Variants in CDH18 observed in about 807,000 individuals in gnomAD.
The protein encoded by CDH18 is cadherin-18.
Under a neutral mutation model 67.9 loss-of-function variants are expected in CDH18, and 31 were observed. The ratio of observed to expected loss-of-function variants is 0.46; its 90% CI spans 0.34 to 0.62. The LOEUF (loss-of-function observed/expected upper bound fraction) is 0.62, where lower values mean the gene tolerates loss of function less well. Among genes scored for constraint, CDH18 ranks in the 20% least tolerant of loss-of-function variants. The pLI is 0.01. For missense variants in CDH18, 890 were observed against 975.5 expected (o/e 0.91, Z 1.17); for synonymous variants, 362 against 347.2 (o/e 1.04, Z -0.48).
intron 1 of CDH18, among the ~76,000 whole-genome samples, chr5:20,537,097 T>A (rs1304322772): frequency 6.6e-6 from 1 of 152,146 alleles, no homozygotes; most frequent in Non-Finnish European, 1.5e-5. Context: ...TGCAGGGACT[T>A]CTCTTTTTCT....
At position 20,288,692 on chromosome 5, in the gene CDH18, T is replaced by C. The variant is rs1042097475; in HGVS notation, c.-579-33187A>G. Among the ~76,000 whole-genome samples, 7 of 151,934 alleles carry C rather than the reference T, an allele frequency of 4.6e-5. No individual in the cohort carries two copies. The East Asian group carries it at 1.4e-3, about 29-fold the overall frequency. On this transcript the variant is annotated intron_variant, in intron 1 of 14. Coordinates refer to the CDH18 transcript ENST00000507958. Reference sequence around the variant, plus strand: ...AATTTGATCATAATAGATCCTTTCTTGTGATAGTCAATTCGCTTTATTCAG... The same window carrying C: ...AATTTGATCATAATAGATCCTTTCTCGTGATAGTCAATTCGCTTTATTCAG...
chr5:20,531,228 G>A (rs1006417944), intron 1 of CDH18, among the ~76,000 whole-genome samples: 1 of 152,042 alleles, frequency 6.6e-6, no homozygotes, highest in African/African-American at 2.4e-5. Context: ...TAATTAAAAA[G>A]TCAAGAATCA....
intron 1 of CDH18, among the ~76,000 whole-genome samples, chr5:20,460,738 A>G (rs1751207580): frequency 6.6e-6 from 1 of 152,210 alleles, no homozygotes; most frequent in African/African-American, 2.4e-5. Context: ...CTTGTATCAA[A>G]TAATCTGCTG....
At chr5:20,421,091 C>T (rs1278080898) in intron 1 of CDH18, among the ~76,000 whole-genome samples, 1 of 150,848 alleles carries the variant, frequency 6.6e-6, no homozygotes, top group Non-Finnish European at 1.5e-5. Context: ...TATCACAAAA[C>T]CTGAAGTTTG....
At chr5:19,837,311 G>A (rs192476566) in intron 3 of CDH18, among the ~76,000 whole-genome samples, 4 of 152,120 alleles carry the variant, frequency 2.6e-5, no homozygotes, top group African/African-American at 9.6e-5. Flanking sequence ...TAATGTAGAT[G>A]ACGGGTTGAT....
intron 2 of CDH18, among the ~76,000 whole-genome samples, chr5:20,168,166 A>T (rs1483780282): frequency 6.6e-6 from 1 of 152,168 alleles, no homozygotes; most frequent in African/African-American, 2.4e-5. Context: ...CAAGTTTATC[A>T]CAGCATTGCT....
intron 2 of CDH18, among the ~76,000 whole-genome samples, chr5:20,238,860 T>TAA: frequency 6.6e-6 from 1 of 152,118 alleles, no homozygotes; most frequent in Non-Finnish European, 1.5e-5. Context: ...TATGAATATT[T>TAA]CCATATAAAG....
intron 2 of CDH18, among the ~76,000 whole-genome samples, chr5:20,058,916 G>A (rs113619072): frequency 1.6e-3 from 246 of 152,226 alleles, no homozygotes; most frequent in East Asian, 5.0e-3. Context: ...GGTAGAATTC[G>A]GCTGTGAATC....
At chr5:19,850,754 G>A (rs1349485187) in intron 2 of CDH18, among the ~76,000 whole-genome samples, 1 of 151,846 alleles carries the variant, frequency 6.6e-6, no homozygotes, top group African/African-American at 2.4e-5. Context: ...ACTAAATTTT[G>A]AGATATTAAT....
intron 2 of CDH18, among the ~76,000 whole-genome samples, chr5:20,253,774 T>C (rs375115182): frequency 2.0e-5 from 3 of 152,176 alleles, no homozygotes; most frequent in South Asian, 2.1e-4. Context: ...CTATGACCCA[T>C]TGGCATTCCT....
At chr5:20,126,127 T>C (rs1174767791) in intron 2 of CDH18, among the ~76,000 whole-genome samples, 1 of 152,108 alleles carries the variant, frequency 6.6e-6, no homozygotes, top group Non-Finnish European at 1.5e-5. Flanking sequence ...TACAGATTGA[T>C]GGAACAGAAT....
chr5:20,498,529 TGA>T (rs774466597), intron 1 of CDH18, among the ~76,000 whole-genome samples: 15 of 152,114 alleles, frequency 9.9e-5, no homozygotes, highest in Admixed American at 3.9e-4. Flanking sequence ...CTTAAAAAAG[TGA>T]GAGTTATATT....
At chr5:20,328,302 C>A (rs1027848813) in intron 1 of CDH18, among the ~76,000 whole-genome samples, 2 of 152,144 alleles carry the variant, frequency 1.3e-5, no homozygotes, top group African/African-American at 4.8e-5. Flanking sequence ...AAGGCATTGA[C>A]CAAAGTAGCT....
chr5:20,097,573 GC>G (rs1350625772), intron 2 of CDH18, among the ~76,000 whole-genome samples: 1 of 152,048 alleles, frequency 6.6e-6, no homozygotes, highest in Non-Finnish European at 1.5e-5. Flanking sequence ...TGGAGATATA[GC>G]CAAACCATGT....
intron 1 of CDH18, among the ~76,000 whole-genome samples, chr5:20,540,271 A>C (rs1164120981): frequency 6.6e-6 from 1 of 152,198 alleles, no homozygotes; most frequent in Non-Finnish European, 1.5e-5. Flanking sequence ...GAACAGACTT[A>C]TTAAATTCCA....
chr5:20,018,349 T>A (rs1368234225), intron 2 of CDH18, among the ~76,000 whole-genome samples: 9 of 152,150 alleles, frequency 5.9e-5, no homozygotes, highest in Admixed American at 2.0e-4. Flanking sequence ...TAGGCCCAAT[T>A]ACAACATAGA....
intron 2 of CDH18, among the ~76,000 whole-genome samples, chr5:20,135,031 C>T (rs1314538895): frequency 6.6e-6 from 1 of 151,986 alleles, no homozygotes; most frequent in Non-Finnish European, 1.5e-5. Context: ...ATTTATTTTT[C>T]CCCATGAGAG....
At chr5:20,090,845 C>A (rs1481272179) in intron 2 of CDH18, among the ~76,000 whole-genome samples, 1 of 151,804 alleles carries the variant, frequency 6.6e-6, no homozygotes, top group African/African-American at 2.4e-5. Flanking sequence ...TTCTGGGCAA[C>A]ATGGTGAAAC....
At chr5:20,075,412 A>G (rs114380372) in intron 2 of CDH18, among the ~76,000 whole-genome samples, 1,745 of 152,206 alleles carry the variant, frequency 0.011, 38 homozygotes, top group African/African-American at 0.04. Context: ...CTGAGACAGG[A>G]TAATAGCTCA....
Sources: gnomAD v4.1 joint callset for allele counts (sites outside exome capture counted in the v4.1 genomes callset) on GRCh38, gnomAD v4.1.1 for gene constraint, MANE v1.5 for transcripts, NCBI Gene and HGNC (gene_info 2026-07-23, HGNC 2026-07-21) for gene names.